The following FARP1 variants were observed in gnomAD, a reference collection of about 807,000 sequenced individuals.
FARP1 encodes the protein FERM, ARHGEF and pleckstrin domain-containing protein 1.
FARP1 carries 52 observed loss-of-function variants against 128.8 expected under a neutral mutation model. That is an observed-to-expected ratio of 0.40 (90% CI 0.32 to 0.51). The LOEUF (loss-of-function observed/expected upper bound fraction) is 0.51, where lower values mean the gene tolerates loss of function less well. Ranked by LOEUF, FARP1 falls within the 20% of genes least tolerant of loss-of-function variation. The probability of loss-of-function intolerance (pLI) is 0.45; values close to 1 mark genes in which losing one functional copy is unlikely to be tolerated. For missense variants in FARP1, 1,333 were observed against 1,367.9 expected, an observed-to-expected ratio of 0.97 and a Z score of 0.40; for synonymous variants, 580 against 551.8, an observed-to-expected ratio of 1.05 and a Z score of -0.72.
At chr13:98,251,695 A>T (rs1883333049) in intron 2 of FARP1, among the ~76,000 whole-genome samples, 1 of 151,966 alleles carries the variant, frequency 6.6e-6, no homozygotes, top group Admixed American at 6.6e-5. Context: ...AAAAAAAAAA[A>T]AGAAAAAAAA....
At chr13:98,428,945 C>T (rs578163251) in intron 17 of FARP1, among the ~76,000 whole-genome samples, 38 of 152,294 alleles carry the variant, frequency 2.5e-4, no homozygotes, top group South Asian at 1.9e-3. Flanking sequence ...CATGCAAGAG[C>T]GTGTATAACT....
intron 16 of FARP1, among the ~76,000 whole-genome samples, chr13:98,415,322 A>C (rs1053902316): frequency 1.3e-5 from 2 of 152,070 alleles, no homozygotes; most frequent in African/African-American, 2.4e-5. Flanking sequence ...GCAACAACCG[A>C]CCCTGCAGTG....
rs1390863566 is a variant in FARP1 at position 98,367,503 on chromosome 13, A to T, written c.320-614A>T. On this transcript the variant is annotated intron_variant, in intron 4 of 26. Transcript: ENST00000319562. ...CTGTTTTCTTTCTTTTTTTTTTTTT[A>T]AATTCTGAAAAGTTGTTCATCTTAT... Among the ~76,000 whole-genome samples the T allele has an allele frequency of 1.1e-3, 161 of 145,690 alleles. 1 individual carries two copies. The highest frequency in any genetic ancestry group is 1.4e-3 in the Non-Finnish European group (97 of 66,962).
intron 2 of FARP1, among the ~76,000 whole-genome samples, chr13:98,317,112 C>G (rs1401569277): frequency 1.3e-5 from 2 of 152,184 alleles, no homozygotes; most frequent in Non-Finnish European, 2.9e-5. Flanking sequence ...AGCTGCCACT[C>G]CCTATTTCTA....
chr13:98,441,411 C>T (rs936982809), intron 24 of FARP1, among the ~76,000 whole-genome samples: 15 of 152,160 alleles, frequency 9.9e-5, no homozygotes, highest in African/African-American at 2.7e-4. Context: ...AGAGGTCCGG[C>T]GAAAACCGTC....
chr13:98,320,103 C>T (rs377293248), intron 2 of FARP1, among the ~76,000 whole-genome samples: 13 of 152,254 alleles, frequency 8.5e-5, no homozygotes, highest in South Asian at 2.1e-4. Flanking sequence ...GCTAGCTCTT[C>T]GGTGCCTGCC....
chr13:98,384,400 C>A (rs1890018933), intron 6 of FARP1: 1 of 262,384 alleles, frequency 3.8e-6, no homozygotes, highest in Admixed American at 4.8e-5. Flanking sequence ...GCCATGTTGC[C>A]CAGGCTGATC....
intron 2 of FARP1, among the ~76,000 whole-genome samples, chr13:98,233,083 C>CAT (rs1882222426): frequency 6.6e-6 from 1 of 152,206 alleles, no homozygotes; most frequent in African/African-American, 2.4e-5. Flanking sequence ...TTTTCCAAGG[C>CAT]ATGGATGGTT....
chr13:98,390,514 C>A (rs1220778255), intron 10 of FARP1: 2 of 444,856 alleles, frequency 4.5e-6, no homozygotes, highest in African/African-American at 4.0e-5. Flanking sequence ...GCCCAGTGAT[C>A]CCTGCCTTCA....
At chr13:98,203,357 C>T (rs1314021022) in intron 1 of FARP1, among the ~76,000 whole-genome samples, 3 of 152,236 alleles carry the variant, frequency 2.0e-5, no homozygotes, top group Non-Finnish European at 2.9e-5. Flanking sequence ...CAGAACATTT[C>T]TATCTCCCCA....
intron 2 of FARP1, among the ~76,000 whole-genome samples, chr13:98,228,433 TAA>T (rs59873385): frequency 1.1e-4 from 16 of 146,650 alleles, no homozygotes; most frequent in African/African-American, 4.0e-4. Flanking sequence ...AAATCACAAT[TAA>T]AAAAAAAAAT....
chr13:98,165,334 G>A (rs1877172509), intron 1 of FARP1, among the ~76,000 whole-genome samples: 2 of 151,498 alleles, frequency 1.3e-5, no homozygotes, highest in African/African-American at 2.4e-5. Context: ...GGCATGTTAT[G>A]CTGATATTAA....
intron 26 of FARP1, chr13:98,447,080 T>G: frequency 2.2e-6 from 1 of 449,338 alleles, no homozygotes; most frequent in African/African-American, 2.0e-5. Context: ...TGACATAACG[T>G]GTCCGGGATG....
intron 2 of FARP1, among the ~76,000 whole-genome samples, chr13:98,268,744 A>G (rs915593304): frequency 3.3e-5 from 5 of 150,876 alleles, no homozygotes; most frequent in Admixed American, 3.3e-4. Flanking sequence ...CTGGGATTAC[A>G]GGTGTGAGCT....
chr13:98,323,846 C>T (rs1387038056), intron 2 of FARP1, among the ~76,000 whole-genome samples: 1 of 152,186 alleles, frequency 6.6e-6, no homozygotes, highest in Non-Finnish European at 1.5e-5. Flanking sequence ...AGAATTCAAG[C>T]CCCATAATTT....
chr13:98,229,749 T>C (rs1328645575), intron 2 of FARP1, among the ~76,000 whole-genome samples: 2 of 152,070 alleles, frequency 1.3e-5, no homozygotes, highest in Non-Finnish European at 2.9e-5. Flanking sequence ...GTTCTTTTTT[T>C]TGTTTTTAGT....
chr13:98,236,014 G>T (rs1019693784), intron 2 of FARP1, among the ~76,000 whole-genome samples: 8 of 151,994 alleles, frequency 5.3e-5, no homozygotes, highest in African/African-American at 1.9e-4. Context: ...AGTAGAAAAG[G>T]GGTTTCTCCA....
chr13:98,320,325 A>G (rs1435847170), intron 2 of FARP1, among the ~76,000 whole-genome samples: 1 of 152,114 alleles, frequency 6.6e-6, no homozygotes, highest in East Asian at 1.9e-4. Context: ...TACAATCTGG[A>G]TGTGCGTGTC....
intron 26 of FARP1, 190 bp downstream of exon 26, chr13:98,447,007 T>G: frequency 3.4e-6 from 2 of 592,166 alleles, no homozygotes; most frequent in Non-Finnish European, 3.0e-6. Context: ...GGGTCCCAAC[T>G]TCCCTGCGCC....
Sources: allele counts gnomAD v4.1 joint callset (sites outside exome capture counted in the v4.1 genomes callset), GRCh38; gene constraint gnomAD v4.1.1; transcripts MANE v1.5; gene names NCBI Gene and HGNC (gene_info 2026-07-23, HGNC 2026-07-21).